DLC1: variants seen among roughly 807,000 people sequenced by gnomAD.
DLC1 encodes DLC1 Rho GTPase activating protein, also known as rho GTPase-activating protein 7.
A neutral mutation model predicts 140.3 loss-of-function variants in DLC1; 54 were observed. That is an observed-to-expected ratio of 0.38 (90% CI 0.31 to 0.48). The LOEUF (loss-of-function observed/expected upper bound fraction) is 0.48. Ranked by LOEUF, DLC1 falls within the 20% of genes least tolerant of loss-of-function variation. The pLI is 0.96. For synonymous variants in DLC1, 986 were observed against 728.1 expected (o/e 1.35, Z -5.70); for missense variants, 2,536 against 1,907.0 (o/e 1.33, Z -6.14).
intron 2 of DLC1, among the ~76,000 whole-genome samples, chr8:13,451,140 T>C (rs566919322): frequency 1.1e-4 from 16 of 150,062 alleles, no homozygotes; most frequent in African/African-American, 3.4e-4. Flanking sequence ...AGAGTAAATA[T>C]GTTTGAAAAA....
intron 2 of DLC1, among the ~76,000 whole-genome samples, chr8:13,484,888 T>C (rs1800896592): frequency 6.6e-6 from 1 of 151,830 alleles, no homozygotes; most frequent in Non-Finnish European, 1.5e-5. Flanking sequence ...AGAGATTACG[T>C]GGGACTCACA....
chr8:13,401,686 T>C, intron 2 of DLC1, 67 bp from the exon 3 acceptor site: 1 of 1,546,724 alleles, frequency 6.5e-7, no homozygotes, highest in Non-Finnish European at 8.7e-7. Flanking sequence ...AAAAGTTCCC[T>C]GTTCTTCAAT....
intron 5 of DLC1, among the ~76,000 whole-genome samples, chr8:13,181,954 C>G (rs996495902): frequency 2.0e-5 from 3 of 152,222 alleles, no homozygotes; most frequent in Non-Finnish European, 4.4e-5. Context: ...CTCCCACCAA[C>G]AGTGTAAAAG....
chr8:13,584,703 GA>G (rs1805239060), intron 1 of DLC1, among the ~76,000 whole-genome samples: 1 of 152,152 alleles, frequency 6.6e-6, no homozygotes, highest in African/African-American at 2.4e-5. Context: ...CTGGAGTGCA[GA>G]GGTAGGCACA....
chr8:13,202,655 C>T (rs1352963725), intron 5 of DLC1, among the ~76,000 whole-genome samples: 1 of 151,974 alleles, frequency 6.6e-6, no homozygotes, highest in Non-Finnish European at 1.5e-5. Context: ...AAGTTCCCCC[C>T]ACCTTTAATT....
At chr8:13,223,611 A>G (rs187442686) in intron 5 of DLC1, among the ~76,000 whole-genome samples, 39 of 152,340 alleles carry the variant, frequency 2.6e-4, no homozygotes, top group Admixed American at 2.0e-3. Flanking sequence ...GTATAAAAAC[A>G]TTCCTTTGTA....
intron 5 of DLC1, among the ~76,000 whole-genome samples, chr8:13,286,999 G>T (rs1229113269): frequency 6.6e-6 from 1 of 152,186 alleles, no homozygotes; most frequent in South Asian, 2.1e-4. Context: ...ATGGTGAAAG[G>T]CCATGGAGAT....
chr8:13,600,092 A>G (rs868806559), intron 1 of DLC1, among the ~76,000 whole-genome samples: 16 of 152,016 alleles, frequency 1.1e-4, no homozygotes, highest in Middle Eastern at 3.4e-3. Flanking sequence ...TTAGAAAGCA[A>G]TAGGAAACAT....
chr8:13,358,981 C>G (rs1835079589), intron 4 of DLC1, among the ~76,000 whole-genome samples: 1 of 118,040 alleles, frequency 8.5e-6, no homozygotes, highest in Admixed American at 8.6e-5. Context: ...CTCTGTCGCC[C>G]ACGCTGGAGT....
intron 2 of DLC1, among the ~76,000 whole-genome samples, chr8:13,456,064 A>T (rs547599279): frequency 2.0e-5 from 3 of 152,320 alleles, no homozygotes; most frequent in Admixed American, 6.5e-5. Flanking sequence ...GCTTTGTGTC[A>T]AAGGGGAAAA....
At chr8:13,437,804 A>G (rs1839190349) in intron 2 of DLC1, among the ~76,000 whole-genome samples, 1 of 152,118 alleles carries the variant, frequency 6.6e-6, no homozygotes, top group Admixed American at 6.6e-5. Context: ...ATGGAGTACA[A>G]ATTGATTCAA....
At chr8:13,464,459 A>G (rs1173936556) in intron 2 of DLC1, among the ~76,000 whole-genome samples, 2 of 152,180 alleles carry the variant, frequency 1.3e-5, no homozygotes, top group Admixed American at 6.5e-5. Context: ...GTTAAACGCA[A>G]TCACATTTGT....
At chr8:13,524,627 G>A (rs1221931369) in intron 1 of DLC1, among the ~76,000 whole-genome samples, 1 of 151,958 alleles carries the variant, frequency 6.6e-6, no homozygotes, top group African/African-American at 2.4e-5. Context: ...CTGGGTGCAG[G>A]AGAACAGTTC....
intron 5 of DLC1, among the ~76,000 whole-genome samples, chr8:13,115,858 A>G (rs1467466766): frequency 6.6e-6 from 1 of 152,170 alleles, no homozygotes; most frequent in African/African-American, 2.4e-5. Context: ...GTACATGAGG[A>G]TGTATTTTCC....
At chr8:13,139,655 G>A (rs1243577532) in intron 5 of DLC1, among the ~76,000 whole-genome samples, 1 of 152,152 alleles carries the variant, frequency 6.6e-6, no homozygotes, top group African/African-American at 2.4e-5. Flanking sequence ...TCCTTTTAAA[G>A]GCTATTTTAT....
At chr8:13,289,502 A>T (rs1038379932) in intron 5 of DLC1, among the ~76,000 whole-genome samples, 4 of 151,020 alleles carry the variant, frequency 2.6e-5, no homozygotes, top group African/African-American at 7.3e-5. Flanking sequence ...AATTGTTCAA[A>T]TTTTTTTTTG....
intron 5 of DLC1, among the ~76,000 whole-genome samples, chr8:13,223,551 C>T (rs1211595243): frequency 1.3e-5 from 2 of 152,132 alleles, no homozygotes; most frequent in African/African-American, 2.4e-5. Flanking sequence ...ACACATAAAA[C>T]TCACCTTAGT....
At chr8:13,385,776 C>G (rs1307179191) in intron 4 of DLC1, among the ~76,000 whole-genome samples, 1 of 152,184 alleles carries the variant, frequency 6.6e-6, no homozygotes, top group Non-Finnish European at 1.5e-5. Flanking sequence ...GAAATCCTTG[C>G]TTAAACCTTT....
chr8:13,378,992 G>A (rs1345156601), intron 4 of DLC1, among the ~76,000 whole-genome samples: 1 of 152,084 alleles, frequency 6.6e-6, no homozygotes, highest in African/African-American at 2.4e-5. Context: ...ATAATTTTAA[G>A]TTTTTGCCTC....
Sources: gnomAD v4.1 joint callset for allele counts (sites outside exome capture counted in the v4.1 genomes callset) on GRCh38, gnomAD v4.1.1 for gene constraint, MANE v1.5 for transcripts, NCBI Gene and HGNC (gene_info 2026-07-23, HGNC 2026-07-21) for gene names.